ARMC12: variants seen among roughly 807,000 people sequenced by gnomAD.
ARMC12 encodes armadillo repeat containing 12.
ARMC12 carries 25 observed loss-of-function variants against 37.4 expected under a neutral mutation model. The ratio of observed to expected loss-of-function variants is 0.67; its 90% CI spans 0.49 to 0.93. The LOEUF is 0.93. Ranked by LOEUF, ARMC12 falls within the 40% of genes least tolerant of loss-of-function variation. The pLI, the probability that ARMC12 is intolerant of heterozygous loss-of-function variation, is 0.00. For missense variants in ARMC12, 384 were observed against 426.6 expected (o/e 0.90, Z 0.88); for synonymous variants, 167 against 176.1 (o/e 0.95, Z 0.41).
chr6:35,731,557 T>G, the ARMC12 span, among the ~76,000 whole-genome samples: 11 of 152,020 alleles, frequency 7.2e-5, no homozygotes, highest in Non-Finnish European at 1.5e-4. Context: ...CCTGGGCCCC[T>G]CCGCATCCGA....
At chr6:35,738,204 C>T (rs767393178) in intron 2 of ARMC12, 32 bp downstream of exon 2, 290 of 1,579,408 alleles carry the variant, frequency 1.8e-4, no homozygotes, top group Non-Finnish European at 2.3e-4. Context: ...CCCTAGCCGG[C>T]CTGGCCCCTG....
chr6:35,739,099 T>C (rs547062596), intron 3 of ARMC12, among the ~76,000 whole-genome samples: 1 of 152,250 alleles, frequency 6.6e-6, no homozygotes, highest in African/African-American at 2.4e-5. Context: ...AGGAGACACA[T>C]AGGGCAGGGT....
chr6:35,740,896 G>GT (rs1561921513), intron 3 of ARMC12, among the ~76,000 whole-genome samples: 229 of 123,538 alleles, frequency 1.9e-3, no homozygotes, highest in African/African-American at 7.7e-3. Flanking sequence ...GCTTCCTTCT[G>GT]GTTTTTTTTT....
At chr6:35,748,484 A>C in intron 5 of ARMC12, 54 bp from the exon 6 acceptor site, 1 of 1,378,764 alleles carries the variant, frequency 7.3e-7, no homozygotes, top group Non-Finnish European at 9.6e-7. Flanking sequence ...AAGAACAAGA[A>C]TTTTGTAACT....
upstream of ARMC12, chr6:35,733,959 G>A (rs1235172325): frequency 6.6e-6 from 1 of 152,216 alleles, no homozygotes; most frequent in Non-Finnish European, 1.5e-5. Context: ...GGTAAGGCAG[G>A]TAGTAACTCA....
chr6:35,735,591 A>T (rs1396467005), upstream of ARMC12, among the ~76,000 whole-genome samples: 1 of 152,056 alleles, frequency 6.6e-6, no homozygotes, highest in Non-Finnish European at 1.5e-5. The surrounding 1 kb of genome is among the most constrained non-coding windows in gnomAD (Gnocchi z 4.0). Flanking sequence ...CAGTTCTCCC[A>T]AAAAGGGATC....
chr6:35,746,847 A>G (rs769321022), intron 3 of ARMC12, among the ~76,000 whole-genome samples: 1 of 152,068 alleles, frequency 6.6e-6, no homozygotes, highest in African/African-American at 2.4e-5. Context: ...TGAGAGCTCT[A>G]TTAGACATTT....
At chr6:35,741,365 T>C (rs530326349) in intron 3 of ARMC12, among the ~76,000 whole-genome samples, 3 of 152,208 alleles carry the variant, frequency 2.0e-5, no homozygotes, top group African/African-American at 7.2e-5. Flanking sequence ...CCACCAGCCC[T>C]GCACGAGTGT....
chr6:35,741,563 C>T lies in ARMC12; in HGVS notation c.444+3045C>T, dbSNP rs141269109. 6.0e-4 allele frequency among the ~76,000 whole-genome samples: 91 copies of T among 152,078 alleles called. 2 individuals are homozygous for T. The East Asian group carries it at 0.01, about 17-fold the overall frequency. ...CAGAGTAGCTGGAATCACAGGCGTG[C>T]GCGCACCACCATGCCTGGCTAATTT... is the stretch of plus-strand genomic sequence containing the variant. On this transcript the variant is annotated intron_variant, in intron 3 of 5. Coordinates refer to ENST00000373866, the MANE Select transcript of ARMC12 (RefSeq NM_001286574.2).
In ARMC12 at chr6:35,737,118, A is replaced by G; in HGVS notation, c.10A>G (p.Ser4Gly). The change falls in exon 1 of 6, where the codon AGC becomes GGC. Residue 4 changes from serine to glycine, a missense_variant. Transcript: ENST00000373866. ...GGGCAACACTGAAGACATGGGCAAGAGCATCCCCCAATACCTGGGGCAACT... is the reference window on the plus strand; with the variant it reads ...GGGCAACACTGAAGACATGGGCAAGGGCATCCCCCAATACCTGGGGCAACT... MGK[S>G]IPQYLGQLDI... 6.2e-7 allele frequency: 1 copy of G among 1,614,132 alleles called. No homozygotes were observed. Among genetic ancestry groups the G allele is most frequent in the Non-Finnish European group, 8.5e-7 (1 of 1,180,014 alleles).
chr6:35,738,283 C>CGGGGG (rs201221548), intron 2 of ARMC12, 101 bp from the exon 3 acceptor site: 9 of 576,692 alleles, frequency 1.6e-5, no homozygotes, highest in African/African-American at 8.5e-5. Context: ...TGGCTGATAG[C>CGGGGG]GGTGGGGGGG....
At chr6:35,743,670 G>C (rs1316682542) in intron 3 of ARMC12, among the ~76,000 whole-genome samples, 1 of 152,064 alleles carries the variant, frequency 6.6e-6, no homozygotes, top group Non-Finnish European at 1.5e-5. Flanking sequence ...TATTCTAACA[G>C]GGCAAGGCAA....
chr6:35,745,940 G>A (rs1767323695), intron 3 of ARMC12, among the ~76,000 whole-genome samples: 1 of 152,140 alleles, frequency 6.6e-6, no homozygotes, highest in Admixed American at 6.5e-5. Flanking sequence ...CAGCTACTTG[G>A]GAGGCTGAGG....
At chr6:35,743,174 G>A (rs1008274418) in intron 3 of ARMC12, among the ~76,000 whole-genome samples, 2 of 152,074 alleles carry the variant, frequency 1.3e-5, no homozygotes, top group Non-Finnish European at 2.9e-5. Context: ...CAGCTCGTGA[G>A]GTTACCTGTC....
Position 35,738,287 on chromosome 6 carries a change from G to GC in ARMC12, c.310-97_310-96insC, listed in dbSNP as rs377618919. ...GGACCTCTCTCTGGCTGATAGCGGT[G>GC]GGGGGGGGGTGTGCGGAGGGATCTT... On this transcript the variant is annotated intron_variant, in intron 2 of 5. Transcript: ENST00000373866. 621 of 1,015,238 alleles carry GC rather than the reference G, an allele frequency of 6.1e-4. 5 individuals carry two copies. The African/African-American group carries it at 0.011, about 19-fold the overall frequency. The allele number at this position is 1,015,238 out of a possible 1,614,324, so 62.9% of individuals were successfully genotyped here.
chr6:35,748,094 T>C (rs1209467616), intron 5 of ARMC12, among the ~76,000 whole-genome samples: 1 of 152,170 alleles, frequency 6.6e-6, no homozygotes. Context: ...TTAACAAATA[T>C]ACCACTACAG....
At chr6:35,738,305 G>T in intron 2 of ARMC12, 79 bp from the exon 3 acceptor site, 1 of 1,526,380 alleles carries the variant, frequency 6.6e-7, no homozygotes, top group South Asian at 1.2e-5. Flanking sequence ...GGTGTGCGGA[G>T]GGATCTTGGT....
chr6:35,743,055 G>C (rs78747147), intron 3 of ARMC12, among the ~76,000 whole-genome samples: 9,004 of 152,160 alleles, frequency 0.059, 379 homozygotes, highest in Non-Finnish European at 0.089. Flanking sequence ...CCTGTCCTGC[G>C]GGTCGCCACG....
rs543962757 is a variant in ARMC12, at chr6:35,742,032, A to AT, written c.444+3521dup. 4.2e-3 allele frequency among the ~76,000 whole-genome samples: 630 copies of AT among 151,274 alleles called. 4 individuals are homozygous for AT. The highest frequency in any genetic ancestry group is 0.015 in the African/African-American group (612 of 41,212). ...ACCAATATGCCCGGCTAATTTTTGT[A>AT]TTTTTTTAGAGGTGGGGTTTTGCCA... On this transcript the variant is annotated intron_variant, in intron 3 of 5. Transcript: ENST00000373866.
Sources: allele counts gnomAD v4.1 joint callset (sites outside exome capture counted in the v4.1 genomes callset), GRCh38; gene constraint gnomAD v4.1.1; non-coding constraint Gnocchi (gnomAD v3.1); transcripts MANE v1.5; gene names NCBI Gene and HGNC (gene_info 2026-07-23, HGNC 2026-07-21).